Variants in SLC4A1AP observed in about 807,000 individuals in gnomAD.
SLC4A1AP encodes the protein kanadaptin.
In SLC4A1AP, 64 loss-of-function variants were observed where a neutral mutation model predicts 89.7. The observed-to-expected ratio is 0.71, with a 90% CI of 0.58 to 0.88. The LOEUF (loss-of-function observed/expected upper bound fraction) is 0.88. SLC4A1AP is among the 40% of genes least tolerant of loss of function. The pLI, the probability that SLC4A1AP is intolerant of heterozygous loss-of-function variation, is 0.00. For synonymous variants in SLC4A1AP, 366 were observed against 353.3 expected (o/e 1.04, Z -0.40); for missense variants, 931 against 965.0 (o/e 0.96, Z 0.47).
intron 9 of SLC4A1AP, 41 bp from the exon 10 acceptor site, chr2:27,684,996 T>TTGTG (rs775418720): frequency 2.2e-5 from 34 of 1,548,820 alleles, no homozygotes; most frequent in Non-Finnish European, 3.0e-5. Flanking sequence ...CTTGTTGTCA[T>TTGTG]TAAGTAGAAC....
intron 8 of SLC4A1AP, among the ~76,000 whole-genome samples, chr2:27,678,167 G>A (rs941153593): frequency 6.6e-6 from 1 of 152,108 alleles, no homozygotes; most frequent in Admixed American, 6.5e-5. Context: ...GGAAGGTTCC[G>A]AAGTTTTTTT....
intron 6 of SLC4A1AP, among the ~76,000 whole-genome samples, chr2:27,675,908 C>T (rs1572992098): frequency 6.6e-6 from 1 of 152,136 alleles, no homozygotes; most frequent in African/African-American, 2.4e-5. Context: ...TAGATCCTTT[C>T]CTTCAGGATA....
chr2:27,667,272 A>G, exon 3 of SLC4A1AP: 1 of 1,608,956 alleles, frequency 6.2e-7, no homozygotes. Flanking sequence ...CTGTAGGAGA[A>G]GATGCAGTAG....
At chr2:27,680,365 C>G (rs1182515831) in intron 8 of SLC4A1AP, among the ~76,000 whole-genome samples, 1 of 152,140 alleles carries the variant, frequency 6.6e-6, no homozygotes, top group Non-Finnish European at 1.5e-5. Flanking sequence ...AAAGAAAATC[C>G]TGTACCAAAT....
At chr2:27,666,631 A>G (rs1025414918) in intron 2 of SLC4A1AP, among the ~76,000 whole-genome samples, 2 of 152,074 alleles carry the variant, frequency 1.3e-5, no homozygotes, top group Non-Finnish European at 2.9e-5. Flanking sequence ...GTGTGAGAGA[A>G]CAAGAATGCC....
chr2:27,676,428 C>T (rs1558507422), intron 6 of SLC4A1AP, among the ~76,000 whole-genome samples: 1 of 152,188 alleles, frequency 6.6e-6, no homozygotes, highest in East Asian at 1.9e-4. Flanking sequence ...ATGCCTTGAG[C>T]TCTTTCTTCT....
intron 2 of SLC4A1AP, among the ~76,000 whole-genome samples, chr2:27,666,352 A>ACCACCCAC (rs1558504861): frequency 5.8e-4 from 2 of 3,424 alleles, no homozygotes; most frequent in Non-Finnish European, 8.8e-4. Flanking sequence ...CTTGTGATCC[A>ACCACCCAC]CCCCCCACCC....
intron 2 of SLC4A1AP, among the ~76,000 whole-genome samples, chr2:27,666,219 A>G (rs1049977411): frequency 1.3e-5 from 2 of 152,186 alleles, no homozygotes; most frequent in Non-Finnish European, 2.9e-5. Flanking sequence ...AAGATGACGC[A>G]TACAGCTGTC....
intron 5 of SLC4A1AP, among the ~76,000 whole-genome samples, chr2:27,670,887 A>G (rs1480625084): frequency 1.3e-5 from 2 of 151,596 alleles, no homozygotes; most frequent in African/African-American, 4.8e-5. Context: ...TTAAATTTAA[A>G]AAAAAACAAC....
Position 27,677,758 on chromosome 2 carries a change from C to T in SLC4A1AP, c.1597C>T (p.Gln533Ter), listed in dbSNP as rs754970393. Residue 533 changes from glutamine (Q) to a stop codon, truncating the protein, a stop_gained, in exon 8 of 14, where the codon CAG (glutamine) becomes TAG (stop). Transcript: ENST00000613058. LOFTEE classifies it high-confidence loss of function. ...GACAGTTCTATCAGAGTCTCCATCT[C>T]AGGATTCTTTAGATGCGTTCATGTC... is the stretch of plus-strand genomic sequence containing the variant. 1.9e-6 allele frequency: 3 copies of T among 1,606,490 alleles called. No homozygotes were observed.
In SLC4A1AP at chr2:27,669,032, A is replaced by G. The variant is rs975588324; in HGVS notation, c.1205+129A>G. On this transcript the variant is annotated intron_variant, in intron 4 of 13. Coordinates refer to ENST00000613058, the Ensembl canonical transcript of SLC4A1AP. Reference sequence around the variant, plus strand: ...AAGCTATTTCTAAATTTGAGCCTTTATCGTTTAGTAACCCTTATATTATTG... The same window carrying G: ...AAGCTATTTCTAAATTTGAGCCTTTGTCGTTTAGTAACCCTTATATTATTG... 16 of 1,076,932 alleles carry G rather than the reference A, an allele frequency of 1.5e-5. No homozygotes were observed. In the African/African-American group the frequency reaches 2.4e-4, roughly 16 times the overall value. 66.7% of individuals were successfully genotyped at this position (1,076,932 alleles called of 1,614,324 possible). A position where few individuals can be genotyped will look rare whatever the true frequency, so the allele number is the denominator to read the frequency against.
At chr2:27,682,493 C>G (rs1675634980) in intron 9 of SLC4A1AP, 134 bp downstream of exon 9, 1 of 511,954 alleles carries the variant, frequency 2.0e-6, no homozygotes, top group Non-Finnish European at 3.5e-6. Context: ...TTGGTATGAT[C>G]ACATCTTTCC....
chr2:27,684,148 C>T lies in SLC4A1AP; in HGVS notation c.1876-889C>T, dbSNP rs572156044. On this transcript the variant is annotated intron_variant, in intron 9 of 13. Coordinates refer to ENST00000613058, the Ensembl canonical transcript of SLC4A1AP. Reference sequence around the variant, plus strand: ...CCTATATTTAAAAGATAATATAGGCCGGGCGCGGTGGCTCATACCTGTTAT... The same window carrying T: ...CCTATATTTAAAAGATAATATAGGCTGGGCGCGGTGGCTCATACCTGTTAT... Among the ~76,000 whole-genome samples the T allele has an allele frequency of 5.9e-5, 9 of 152,132 alleles. No individual in the cohort carries two copies. In the East Asian group the frequency reaches 7.7e-4, roughly 13 times the overall value.
exon 11 of SLC4A1AP, chr2:27,687,935 A>T: frequency 1.2e-6 from 2 of 1,611,416 alleles, no homozygotes; most frequent in Non-Finnish European, 1.7e-6. Flanking sequence ...TTTTTATAGA[A>T]AACATGTCTC....
intron 6 of SLC4A1AP, 123 bp downstream of exon 6, chr2:27,675,815 GTA>G (rs1391515822): frequency 7.9e-5 from 49 of 618,438 alleles, no homozygotes; most frequent in African/African-American, 1.9e-5. Context: ...TGATACTGAA[GTA>G]TAACTTTTGT....
At chr2:27,664,653 G>T (rs557329199) in intron 1 of SLC4A1AP, 76 bp downstream of exon 1, 54 of 1,173,770 alleles carry the variant, frequency 4.6e-5, no homozygotes, top group East Asian at 4.0e-4. Context: ...TTTGGATGAG[G>T]AAGAAGAATC....
At chr2:27,684,970 T>G (rs1675681038) in intron 9 of SLC4A1AP, 67 bp from the exon 10 acceptor site, 1 of 1,518,966 alleles carries the variant, frequency 6.6e-7, no homozygotes, top group African/African-American at 1.4e-5. Context: ...ACTGACCTCC[T>G]TGAAAAGATT....
chr2:27,667,043 G>A (rs1299552410), intron 2 of SLC4A1AP, among the ~76,000 whole-genome samples: 1 of 151,486 alleles, frequency 6.6e-6, no homozygotes, highest in Non-Finnish European at 1.5e-5. Flanking sequence ...AATTTTTTTT[G>A]TATTTTTAGT....
At position 27,684,232 on chromosome 2, in the gene SLC4A1AP, C is replaced by T. The variant is rs573777284; in HGVS notation, c.1876-805C>T. Among the ~76,000 whole-genome samples the T allele has an allele frequency of 9.9e-4, 150 of 152,146 alleles. 1 individual carries two copies. Among genetic ancestry groups the T allele is most frequent in the African/African-American group, 3.5e-3 (147 of 41,506 alleles). On this transcript the variant is annotated intron_variant, in intron 9 of 13. Coordinates refer to ENST00000613058, the Ensembl canonical transcript of SLC4A1AP. ...GCTTGAGCTCACTAGTCGAGACCAG[C>T]CTGGGCAACATGGTGAAACCCCGTC...
Sources: gnomAD v4.1 joint callset for allele counts (sites outside exome capture counted in the v4.1 genomes callset) on GRCh38, gnomAD v4.1.1 for gene constraint, MANE v1.5 for transcripts, NCBI Gene and HGNC (gene_info 2026-07-23, HGNC 2026-07-21) for gene names.